Variants in TSPAN18 observed in about 807,000 individuals in gnomAD.
TSPAN18 encodes the protein tetraspanin-18.
A neutral mutation model predicts 27.3 loss-of-function variants in TSPAN18; 14 were observed. The ratio of observed to expected loss-of-function variants is 0.51; its 90% confidence interval spans 0.34 to 0.80. The LOEUF (loss-of-function observed/expected upper bound fraction) is 0.80. TSPAN18 is among the 30% of genes least tolerant of loss of function. TSPAN18 has a pLI of 0.01. For synonymous variants in TSPAN18, 143 were observed against 136.5 expected (o/e 1.05, Z -0.33); for missense variants, 268 against 323.9 (o/e 0.83, Z 1.32).
intron 2 of TSPAN18, among the ~76,000 whole-genome samples, chr11:44,811,832 G>C (rs950338776): frequency 6.6e-6 from 1 of 152,194 alleles, no homozygotes; most frequent in Non-Finnish European, 1.5e-5. Flanking sequence ...ATTTGTTCAA[G>C]GAGTTAATCA....
intron 2 of TSPAN18, among the ~76,000 whole-genome samples, chr11:44,800,753 G>C (rs1856462015): frequency 6.6e-6 from 1 of 152,328 alleles, no homozygotes. Flanking sequence ...GCCTTCCTAG[G>C]ATTGGGGACA....
chr11:44,753,110 A>T (rs1466997363), intron 1 of TSPAN18, among the ~76,000 whole-genome samples: 2 of 151,962 alleles, frequency 1.3e-5, no homozygotes, highest in Admixed American at 1.3e-4. Context: ...CACCTTTCTC[A>T]CTTGATATTA....
At chr11:44,900,677 AG>A in intron 3 of TSPAN18, among the ~76,000 whole-genome samples, 1 of 128,584 alleles carries the variant, frequency 7.8e-6, no homozygotes, top group African/African-American at 3.0e-5. Flanking sequence ...AACTTGAGGA[AG>A]GCTTTTTTTT....
chr11:44,876,981 C>G lies in TSPAN18; in HGVS notation c.-11+16512C>G, dbSNP rs1336597037. Among the ~76,000 whole-genome samples, 5 of 152,336 alleles carry G rather than the reference C, an allele frequency of 3.3e-5. No individual in the cohort carries two copies. In the East Asian group the frequency reaches 9.7e-4, roughly 29 times the overall value. On this transcript the variant is annotated intron_variant, in intron 3 of 9. Coordinates refer to ENST00000520358, the MANE Select transcript of TSPAN18 (RefSeq NM_130783.5). ...ACCAGGAGCATTGGTGCCTCCTCCC[C>G]CAGGCCCCTGCAGAGCCTGCAGCGG...
intron 2 of TSPAN18, among the ~76,000 whole-genome samples, chr11:44,794,016 G>A (rs1856291326): frequency 6.6e-6 from 1 of 152,172 alleles, no homozygotes; most frequent in Non-Finnish European, 1.5e-5. Context: ...CAGCGGGTGG[G>A]ACTTGAAAGC....
At chr11:44,726,605 A>G (rs954761733), upstream of TSPAN18, 1 of 151,970 alleles carries the variant, frequency 6.6e-6, no homozygotes. Context: ...GTCAGCTGAA[A>G]GTTCCCCTGG....
chr11:44,767,347 G>C (rs751495686), intron 2 of TSPAN18, among the ~76,000 whole-genome samples: 9 of 151,826 alleles, frequency 5.9e-5, no homozygotes, highest in Non-Finnish European at 7.4e-5. Flanking sequence ...ATGACTCCAG[G>C]CTTCATGTCT....
intron 2 of TSPAN18, among the ~76,000 whole-genome samples, chr11:44,807,408 GT>G (rs55665762): frequency 0.47 from 70,625 of 149,442 alleles, 17,342 homozygotes; most frequent in Non-Finnish European, 0.52. Context: ...CGTGCCTGTA[GT>G]CCCAGCTACT....
chr11:44,844,452 G>T (rs1857439522), intron 2 of TSPAN18, among the ~76,000 whole-genome samples: 1 of 152,200 alleles, frequency 6.6e-6, no homozygotes, highest in South Asian at 2.1e-4. Flanking sequence ...GGACAGTCCT[G>T]CTAGCAGTGT....
At chr11:44,845,610 A>AT (rs1857463632) in intron 2 of TSPAN18, among the ~76,000 whole-genome samples, 1 of 152,238 alleles carries the variant, frequency 6.6e-6, no homozygotes, top group Non-Finnish European at 1.5e-5. Flanking sequence ...TGAAGGATGA[A>AT]TAGGAGTTCA....
At chr11:44,862,090 T>G (rs555068139) in intron 3 of TSPAN18, among the ~76,000 whole-genome samples, 1 of 152,194 alleles carries the variant, frequency 6.6e-6, no homozygotes, top group South Asian at 2.1e-4. Context: ...AATGGGCCCC[T>G]TCCCAGAAGA....
At chr11:44,764,625 C>CCA (rs1855525058) in intron 2 of TSPAN18, 113 bp downstream of exon 2, 1 of 152,314 alleles carries the variant, frequency 6.6e-6, no homozygotes, top group African/African-American at 2.4e-5. Flanking sequence ...TGTGAGAGGG[C>CCA]TCTCAGCTCT....
chr11:44,908,769 G>GAAAGAAAAAGAAAGAAAGAAAGAA (rs1554938043), intron 4 of TSPAN18, among the ~76,000 whole-genome samples: 1 of 71,620 alleles, frequency 1.4e-5, no homozygotes, highest in Admixed American at 1.7e-4. Context: ...AGAGAGAAAG[G>GAAAGAAAAAGAAAGAAAGAAAGAA]AGAAAGAAAG....
intron 2 of TSPAN18, among the ~76,000 whole-genome samples, chr11:44,787,471 T>C (rs1856085965): frequency 6.6e-6 from 1 of 152,202 alleles, no homozygotes; most frequent in African/African-American, 2.4e-5. Context: ...CTCAGTGTGC[T>C]GGCATTGCTG....
chr11:44,883,743 C>T (rs1352926345), intron 3 of TSPAN18, among the ~76,000 whole-genome samples: 5 of 152,220 alleles, frequency 3.3e-5, no homozygotes, highest in African/African-American at 7.2e-5. Context: ...TTCTGCTCCA[C>T]GCTTTGCCCT....
chr11:44,812,488 C>T (rs990531720), intron 2 of TSPAN18, among the ~76,000 whole-genome samples: 2 of 152,124 alleles, frequency 1.3e-5, no homozygotes, highest in African/African-American at 2.4e-5. Context: ...GGAGGGCAGT[C>T]CAGTGGGGAT....
intron 2 of TSPAN18, among the ~76,000 whole-genome samples, chr11:44,858,399 A>C (rs1316427483): frequency 6.6e-6 from 1 of 152,230 alleles, no homozygotes; most frequent in African/African-American, 2.4e-5. Flanking sequence ...GAGTTATTAC[A>C]AGCACAGGCT....
chr11:44,879,340 G>A (rs752859818), intron 3 of TSPAN18, among the ~76,000 whole-genome samples: 18 of 152,006 alleles, frequency 1.2e-4, no homozygotes, highest in African/African-American at 2.7e-4. Flanking sequence ...AGCCATGAAC[G>A]AAATCCCCTG....
Position 44,810,900 on chromosome 11 carries a change from A to G in TSPAN18, c.-153+46388A>G, listed in dbSNP as rs1838354413. Among the ~76,000 whole-genome samples the G allele has an allele frequency of 2.0e-5, 3 of 152,014 alleles. No individual in the cohort carries two copies. In the South Asian group the frequency reaches 6.2e-4, roughly 31 times the overall value. ...CTAGGATTACAGGTGTGAGCCACCA[A>G]GCCCAACCTGTTTTCAATTCTTTTG... On this transcript the variant is annotated intron_variant, in intron 2 of 9. Transcript: ENST00000520358.
Sources: allele counts gnomAD v4.1 joint callset (sites outside exome capture counted in the v4.1 genomes callset), GRCh38; gene constraint gnomAD v4.1.1; transcripts MANE v1.5; gene names NCBI Gene and HGNC (gene_info 2026-07-23, HGNC 2026-07-21).